NEB: variants seen among roughly 807,000 people sequenced by gnomAD.
NEB encodes nemaline myopathy type 2.
Under a neutral mutation model 952.2 loss-of-function variants are expected in NEB, and 512 were observed. That is an observed-to-expected ratio of 0.54 (90% CI 0.50 to 0.58). The LOEUF (loss-of-function observed/expected upper bound fraction) is 0.58, where lower values mean the gene tolerates loss of function less well. Ranked by LOEUF, NEB falls within the 20% of genes least tolerant of loss-of-function variation. The pLI, the probability that NEB is intolerant of heterozygous loss-of-function variation, is 0.00. For synonymous variants in NEB, 2,900 were observed against 3,149.8 expected (o/e 0.92, Z 2.66); for missense variants, 8,428 against 9,231.1 (o/e 0.91, Z 3.56).
intron 55 of NEB, among the ~76,000 whole-genome samples, chr2:151,645,760 C>G (rs2154121342): frequency 6.6e-6 from 1 of 152,186 alleles, no homozygotes; most frequent in Middle Eastern, 3.4e-3. Context: ...GCTCACTGAT[C>G]CAAAATTTCA....
chr2:151,637,267 T>A (rs2098779122), intron 63 of NEB, among the ~76,000 whole-genome samples: 1 of 152,154 alleles, frequency 6.6e-6, no homozygotes, highest in Non-Finnish European at 1.5e-5. Context: ...ACCTTTGAGT[T>A]AGACTTTGAG....
At chr2:151,605,673 G>T (rs1227946846) in intron 84 of NEB, among the ~76,000 whole-genome samples, 2 of 110,950 alleles carry the variant, frequency 1.8e-5, no homozygotes, top group African/African-American at 5.3e-5. Context: ...AGGCAAAAAT[G>T]AAGAATAAGA....
chr2:151,519,855 A>T, intron 153 of NEB, 87 bp from the exon 154 acceptor site: 1 of 844,264 alleles, frequency 1.2e-6, no homozygotes, highest in Non-Finnish European at 2.0e-6. Context: ...ATGCCAAAGA[A>T]TATGCATTGT....
chr2:151,659,195 T>C (rs754502554), intron 46 of NEB, 26 bp from the exon 47 acceptor site: 1 of 1,507,372 alleles, frequency 6.6e-7, no homozygotes, highest in Non-Finnish European at 9.2e-7. Flanking sequence ...TGTAAATTAG[T>C]GTTTAAAATC....
intron 117 of NEB, among the ~76,000 whole-genome samples, 182 bp from the exon 118 acceptor site, chr2:151,564,112 T>C (rs2096248862): frequency 6.6e-6 from 1 of 152,166 alleles, no homozygotes; most frequent in Non-Finnish European, 1.5e-5. Context: ...AAATTAAACT[T>C]ACAGACTCGA....
intron 38 of NEB, among the ~76,000 whole-genome samples, chr2:151,670,576 A>G (rs1224740115): frequency 1.3e-5 from 2 of 151,994 alleles, no homozygotes; most frequent in Non-Finnish European, 2.9e-5. Context: ...TCTCCTCCCT[A>G]GAGGCCTCAT....
intron 145 of NEB, 32 bp from the exon 146 acceptor site, chr2:151,529,346 T>C: frequency 7.2e-7 from 1 of 1,390,018 alleles, no homozygotes; most frequent in Non-Finnish European, 1.0e-6. Flanking sequence ...CAAGATTAAT[T>C]TTTTTATAGC....
chr2:151,678,880 A>T (rs1055873955), intron 32 of NEB, among the ~76,000 whole-genome samples: 3 of 152,152 alleles, frequency 2.0e-5, no homozygotes, highest in Admixed American at 6.5e-5. Context: ...GGCATTTCAG[A>T]ACGAGGACAT....
chr2:151,686,936 T>C lies in NEB; in HGVS notation c.2637+483A>G, dbSNP rs941054543. Among the ~76,000 whole-genome samples, 10 of 152,288 alleles carry C rather than the reference T, an allele frequency of 6.6e-5. No individual in the cohort carries two copies. The East Asian group carries it at 1.7e-3, about 26-fold the overall frequency. Reference sequence around the variant, plus strand: ...TTCTAGATAGATGATTCAAATCTTTTATCAGAGTCTCAGGGGGGTTTATAA... The same window carrying C: ...TTCTAGATAGATGATTCAAATCTTTCATCAGAGTCTCAGGGGGGTTTATAA... On this transcript the variant is annotated intron_variant, in intron 27 of 181. Coordinates refer to ENST00000397345, the MANE Select transcript of NEB (RefSeq NM_001164508.2).
chr2:151,620,776 G>A, intron 72 of NEB, 143 bp downstream of exon 72: 1 of 588,768 alleles, frequency 1.7e-6, no homozygotes, highest in South Asian at 2.8e-5. Flanking sequence ...GTGATCTTGG[G>A]CAAGTTATCT....
chr2:151,652,851 G>T (rs2099045752), intron 52 of NEB, among the ~76,000 whole-genome samples: 1 of 152,116 alleles, frequency 6.6e-6, no homozygotes, highest in South Asian at 2.1e-4. Flanking sequence ...GGAAATTATT[G>T]ATGTTATTTC....
Position 151,640,020 on chromosome 2 carries a change from C to A in NEB, c.8726G>T (p.Gly2909Val). The change falls in exon 62 of 182, where the codon GGC (glycine) becomes GTC (valine). Residue 2909 changes from glycine to valine, a missense_variant. Coordinates refer to ENST00000397345, the MANE Select transcript of NEB (RefSeq NM_001164508.2). Reference protein sequence around the residue: ...KSDLQWMRGIGWVSIGSLDVE... With the variant: ...KSDLQWMRGIVWVSIGSLDVE... ...ATCCAAAGAGCCAATGGACACCCAG[C>A]CAATGCCTCTCATCCACTGGAGATC... is the stretch of plus-strand genomic sequence containing the variant. 2 of 1,613,958 alleles carry A rather than the reference C, an allele frequency of 1.2e-6. No individual in the cohort carries two copies. The highest frequency in any genetic ancestry group is 8.5e-7 in the Non-Finnish European group (1 of 1,179,830).
At chr2:151,654,141 A>G in intron 51 of NEB, 42 bp from the exon 52 acceptor site, 1 of 1,277,902 alleles carries the variant, frequency 7.8e-7, no homozygotes, top group Non-Finnish European at 1.1e-6. Flanking sequence ...CTGTCTATAT[A>G]AAGAATATCA....
At chr2:151,533,015 A>G (rs907219609) in intron 143 of NEB, among the ~76,000 whole-genome samples, 3 of 152,182 alleles carry the variant, frequency 2.0e-5, no homozygotes, top group African/African-American at 7.2e-5. Context: ...CTGCACGGTA[A>G]TCCTCATCTC....
chr2:151,647,981 G>A lies in NEB; in HGVS notation c.7432-1747C>T, dbSNP rs139873336. ...GTTCTTATTCTTGGGAAATACAGAC[G>A]GAATATTTAGGCATCATGAAGCAAT... is the stretch of plus-strand genomic sequence containing the variant. On this transcript the variant is annotated intron_variant, in intron 54 of 181. Transcript: ENST00000397345. Among the ~76,000 whole-genome samples the A allele has an allele frequency of 1.6e-3, 240 of 152,076 alleles. 2 individuals are homozygous for A. The highest frequency in any genetic ancestry group is 5.2e-3 in the African/African-American group (216 of 41,466).
At chr2:151,536,321 G>T (rs1372371572) in intron 141 of NEB, among the ~76,000 whole-genome samples, 1 of 152,180 alleles carries the variant, frequency 6.6e-6, no homozygotes, top group South Asian at 2.1e-4. Flanking sequence ...CACTTCCATT[G>T]AATGGATGCC....
intron 4 of NEB, 76 bp from the exon 5 acceptor site, chr2:151,727,982 C>G: frequency 2.6e-6 from 3 of 1,160,950 alleles, no homozygotes; most frequent in Non-Finnish European, 3.7e-6. Flanking sequence ...ATATATTAGT[C>G]TAACTTCAAG....
In NEB at chr2:151,525,337, A is replaced by G. The variant is rs2085084932; in HGVS notation, c.22162-64T>C. ...CTGGGAACAGAGTTGGTTTACTTGA[A>G]GAACTGTGAAATCTCCAGGAAAATC... On this transcript the variant is annotated intron_variant, in intron 150 of 181. Transcript: ENST00000397345. 4.2e-6 allele frequency: 5 copies of G among 1,197,820 alleles called. No homozygotes were observed. In the Admixed American group the frequency reaches 9.1e-5, roughly 22 times the overall value. The allele number at this position is 1,197,820 out of a possible 1,614,324, so 74.2% of individuals were successfully genotyped here.
intron 156 of NEB, 85 bp from the exon 157 acceptor site, chr2:151,516,648 G>T: frequency 1.1e-6 from 1 of 882,708 alleles, no homozygotes; most frequent in Non-Finnish European, 1.8e-6. Context: ...TAATTGATAT[G>T]TTCTGTCAAT....
Sources: allele counts gnomAD v4.1 joint callset (sites outside exome capture counted in the v4.1 genomes callset), GRCh38; gene constraint gnomAD v4.1.1; transcripts MANE v1.5; gene names NCBI Gene and HGNC (gene_info 2026-07-23, HGNC 2026-07-21).